The following COG6 variants were observed in gnomAD, a reference collection of about 807,000 sequenced individuals.
COG6 encodes the protein component of oligomeric golgi complex 6.
In COG6, 74 loss-of-function variants were observed where a neutral mutation model predicts 88.8. The observed-to-expected ratio is 0.83, with a 90% CI of 0.69 to 1.01. The LOEUF is 1.01. Ranked by LOEUF, COG6 falls within the 50% of genes least tolerant of loss-of-function variation. The pLI is 0.00. For missense variants in COG6, 800 were observed against 797.9 expected (o/e 1.00, Z -0.03); for synonymous variants, 286 against 278.7 (o/e 1.03, Z -0.26).
Position 39,719,994 on chromosome 13 carries a change from AACACACACAC to A in COG6, c.1584+191_1584+200del, listed in dbSNP as rs58617808. Among the ~76,000 whole-genome samples, 47 of 147,850 alleles carry A rather than the reference AACACACACAC, an allele frequency of 3.2e-4. 1 individual carries two copies. Among genetic ancestry groups the A allele is most frequent in the African/African-American group, 9.2e-4 (37 of 40,282 alleles). ...ATATACACAACACACGCACATACAC[AACACACACAC>A]ACACACACACACACACACACACAAA... On this transcript the variant is annotated intron_variant, in intron 15 of 18. Transcript: ENST00000455146.
chr13:39,775,132 G>T (rs1046066184), intron 18 of COG6, among the ~76,000 whole-genome samples: 1 of 152,140 alleles, frequency 6.6e-6, no homozygotes, highest in African/African-American at 2.4e-5. Context: ...GGGTGTGTCT[G>T]CTCGGGAGCC....
rs1414320512 is a variant in COG6, at chr13:39,758,160, C to T, written c.1827-30175C>T. Among the ~76,000 whole-genome samples the T allele has an allele frequency of 3.0e-5, 4 of 133,344 alleles. No individual in the cohort carries two copies. The East Asian group carries it at 7.3e-4, about 24-fold the overall frequency. 87.5% of individuals were successfully genotyped at this position (133,344 alleles called of 152,430 possible). A position where few individuals can be genotyped will look rare whatever the true frequency, so the allele number is the denominator to read the frequency against. On this transcript the variant is annotated intron_variant, in intron 18 of 18. Coordinates refer to the COG6 transcript ENST00000416691. ...ACTTGAACCTGGGAGGTGAAGGTTT[C>T]GGTGAGTCGAGATTGTGCCACTGCA...
chr13:39,772,980 T>G (rs1014305460), intron 18 of COG6, among the ~76,000 whole-genome samples: 2 of 152,224 alleles, frequency 1.3e-5, no homozygotes, highest in Non-Finnish European at 2.9e-5. Flanking sequence ...TTGTATATTT[T>G]ATGTCTCCTC....
At chr13:39,697,935 G>T (rs1877366128) in intron 12 of COG6, among the ~76,000 whole-genome samples, 1 of 151,972 alleles carries the variant, frequency 6.6e-6, no homozygotes, top group Non-Finnish European at 1.5e-5. Context: ...TGTTGTGGTG[G>T]AGGAGGAGAA....
At chr13:39,719,605 C>T in intron 14 of COG6, 55 bp from the exon 15 acceptor site, 2 of 1,512,384 alleles carry the variant, frequency 1.3e-6, no homozygotes, top group South Asian at 1.1e-5. Flanking sequence ...ATCATTAACC[C>T]AAGACCCTAT....
At chr13:39,738,182 G>A (rs1879863957) in intron 18 of COG6, among the ~76,000 whole-genome samples, 1 of 151,990 alleles carries the variant, frequency 6.6e-6, no homozygotes, top group African/African-American at 2.4e-5. Context: ...GATAGATTTG[G>A]CGTTCCTGCT....
chr13:39,730,147 A>G (rs774366623), intron 18 of COG6, among the ~76,000 whole-genome samples: 1 of 151,990 alleles, frequency 6.6e-6, no homozygotes, highest in East Asian at 1.9e-4. Flanking sequence ...TGAATTTTTA[A>G]TTTAGTTTTT....
intron 4 of COG6, among the ~76,000 whole-genome samples, chr13:39,670,604 G>C (rs114795941): frequency 1.3e-5 from 2 of 151,918 alleles, no homozygotes; most frequent in Admixed American, 1.3e-4. Context: ...AATTATTTAC[G>C]TAAGTTGCTG....
At chr13:39,788,375 A>T in exon 19 of COG6, 1 of 1,551,460 alleles carries the variant, frequency 6.4e-7, no homozygotes, top group South Asian at 1.2e-5. Context: ...TAACCAGTGC[A>T]GGACCTTGTG....
chr13:39,690,544 T>G (rs949110298), intron 11 of COG6, among the ~76,000 whole-genome samples: 1 of 152,046 alleles, frequency 6.6e-6, no homozygotes, highest in Non-Finnish European at 1.5e-5. Context: ...GTTGGTTTAC[T>G]TTTCCTTGTA....
At chr13:39,710,624 A>G (rs573870310) in intron 13 of COG6, among the ~76,000 whole-genome samples, 1 of 152,304 alleles carries the variant, frequency 6.6e-6, no homozygotes, top group Admixed American at 6.5e-5. Flanking sequence ...AGTAAATTAA[A>G]TGAGGGAAAT....
At chr13:39,715,208 A>G (rs188342740) in intron 13 of COG6, among the ~76,000 whole-genome samples, 1 of 151,950 alleles carries the variant, frequency 6.6e-6, no homozygotes, top group South Asian at 2.1e-4. Flanking sequence ...GTTAAAATTT[A>G]AAAAAAAATT....
intron 13 of COG6, among the ~76,000 whole-genome samples, chr13:39,710,932 A>G (rs1045010090): frequency 4.6e-5 from 7 of 151,984 alleles, no homozygotes; most frequent in Non-Finnish European, 8.8e-5. Flanking sequence ...TTTAAAAAAT[A>G]TTAACTTATA....
In COG6 at chr13:39,659,653, A is replaced by G. The variant is rs368063880; in HGVS notation, c.297+146A>G. ...AAGCTTAGCTAATTTCTCTTGCTGCATCTAGATCTTTATTTGTATTAATGT... is the reference window on the plus strand; with the variant it reads ...AAGCTTAGCTAATTTCTCTTGCTGCGTCTAGATCTTTATTTGTATTAATGT... On this transcript the variant is annotated intron_variant, in intron 2 of 18. Transcript: ENST00000455146. 75 of 644,236 alleles carry G rather than the reference A, an allele frequency of 1.2e-4. No individual in the cohort carries two copies. In the African/African-American group the frequency reaches 1.2e-3, roughly 10 times the overall value. 39.9% of individuals were successfully genotyped at this position (644,236 alleles called of 1,614,324 possible). A position where few individuals can be genotyped will look rare whatever the true frequency, so the allele number is the denominator to read the frequency against.
intron 13 of COG6, among the ~76,000 whole-genome samples, chr13:39,703,295 G>A (rs532676886): frequency 2.0e-5 from 3 of 151,988 alleles, no homozygotes; most frequent in East Asian, 3.9e-4. Flanking sequence ...CCAACATGAC[G>A]AGCAAAAGCG....
chr13:39,768,949 A>G (rs1881242848), intron 18 of COG6, among the ~76,000 whole-genome samples: 1 of 151,890 alleles, frequency 6.6e-6, no homozygotes, highest in Admixed American at 6.6e-5. Context: ...ATCCCTATTC[A>G]TTATTTTTTA....
At chr13:39,766,611 T>C (rs1881172997) in intron 18 of COG6, among the ~76,000 whole-genome samples, 1 of 152,154 alleles carries the variant, frequency 6.6e-6, no homozygotes, top group Non-Finnish European at 1.5e-5. Flanking sequence ...TCTTAACAAT[T>C]TGACTTTTAT....
At chr13:39,791,497 T>C (rs962127337) in exon 19 of COG6, 2 of 152,078 alleles carry the variant, frequency 1.3e-5, no homozygotes, top group African/African-American at 4.8e-5. Context: ...TTTTGTGTGC[T>C]ATGTTTGCAG....
At chr13:39,690,367 C>T (rs1876912623) in intron 11 of COG6, among the ~76,000 whole-genome samples, 1 of 152,000 alleles carries the variant, frequency 6.6e-6, no homozygotes, top group South Asian at 2.1e-4. Context: ...AACTCTTCTG[C>T]ACCTGAATTA....
Sources: allele counts gnomAD v4.1 joint callset (sites outside exome capture counted in the v4.1 genomes callset), GRCh38; gene constraint gnomAD v4.1.1; transcripts MANE v1.5; gene names NCBI Gene and HGNC (gene_info 2026-07-23, HGNC 2026-07-21).